Variants in INPP5A observed in about 807,000 individuals in gnomAD.
INPP5A encodes inositol polyphosphate-5-phosphatase A.
A neutral mutation model predicts 65.2 loss-of-function variants in INPP5A; 14 were observed. The observed-to-expected ratio is 0.21, with a 90% confidence interval of 0.14 to 0.34. The LOEUF (loss-of-function observed/expected upper bound fraction) is 0.34. INPP5A is among the 10% of genes least tolerant of loss of function. The pLI, the probability that INPP5A is intolerant of heterozygous loss-of-function variation, is 1.00. For missense variants in INPP5A, 431 were observed against 545.6 expected, an observed-to-expected ratio of 0.79 and a Z score of 2.09; for synonymous variants, 207 against 208.3, an observed-to-expected ratio of 0.99 and a Z score of 0.05.
chr10:132,537,927 C>CT lies in INPP5A; in HGVS notation c.-170_-169insT. On this transcript the variant is annotated 5_prime_UTR_variant, in exon 1 of 16. Coordinates refer to ENST00000368594, the MANE Select transcript of INPP5A (RefSeq NM_005539.5). ...AGCGAGCGAGCGAGCGAGCGCGAGG[C>CT]CGGAGCCCCGGCCAGGCCCGGCCGA... 1 of 181,740 alleles carries CT rather than the reference C, an allele frequency of 5.5e-6. No individual in the cohort carries two copies. The highest frequency in any genetic ancestry group is 1.3e-4 in the East Asian group (1 of 7,552). 11.3% of individuals were successfully genotyped at this position (181,740 alleles called of 1,614,324 possible).
In INPP5A at chr10:132,781,923, G is replaced by A. The variant is rs775416029; in HGVS notation, c.1221G>A (p.Lys407=). 3 of 1,613,860 alleles carry A rather than the reference G, an allele frequency of 1.9e-6. No homozygotes were observed. The highest frequency in any genetic ancestry group is 1.7e-5 in the Admixed American group (1 of 60,028). ...GTAAACCTCATGCCCATGTGCACAA[G>A]TGTTGTGTCGTGCAGTGACGTGGTG... ...GAGKPHAHVH[K]CCVVQ The change falls in exon 15 of 16, where the codon AAG becomes AAA. Residue 407 remains lysine (K), a synonymous_variant. Coordinates refer to ENST00000368594, the MANE Select transcript of INPP5A (RefSeq NM_005539.5).
intron 2 of INPP5A, among the ~76,000 whole-genome samples, chr10:132,614,763 G>C (rs189505028): frequency 6.6e-6 from 1 of 152,242 alleles, no homozygotes; most frequent in African/African-American, 2.4e-5. Context: ...CGATGAGATC[G>C]CAAGGAGAGG....
intron 7 of INPP5A, among the ~76,000 whole-genome samples, chr10:132,709,055 C>T (rs932267735): frequency 6.6e-6 from 1 of 151,698 alleles, no homozygotes; most frequent in East Asian, 1.9e-4. Flanking sequence ...AAAACACATA[C>T]GAGGTCATAG....
intron 4 of INPP5A, among the ~76,000 whole-genome samples, chr10:132,688,968 CAT>C (rs1845205081): frequency 6.6e-6 from 1 of 151,630 alleles, no homozygotes; most frequent in African/African-American, 2.4e-5. Context: ...GTTGTGTGTG[CAT>C]GAGTGTATGT....
intron 7 of INPP5A, 112 bp downstream of exon 7, chr10:132,708,477 GGACCCCCAGCTGCCT>G (rs749726586): frequency 1.0e-5 from 11 of 1,093,152 alleles, no homozygotes; most frequent in South Asian, 1.0e-4. Context: ...TTTTGCATGA[GGACCCCCAGCTGCCT>G]GACCCCCACC....
At chr10:132,614,782 C>T (rs1438398631) in intron 2 of INPP5A, among the ~76,000 whole-genome samples, 1 of 152,264 alleles carries the variant, frequency 6.6e-6, no homozygotes, top group Non-Finnish European at 1.5e-5. Context: ...GGACTCCATC[C>T]CCATGAATGC....
chr10:132,738,208 C>G (rs1222111685), intron 9 of INPP5A, among the ~76,000 whole-genome samples: 4 of 152,132 alleles, frequency 2.6e-5, no homozygotes, highest in Non-Finnish European at 5.9e-5. Flanking sequence ...TAAAAGAAAC[C>G]CATGGGAAAG....
rs2133457076 is a variant in INPP5A at position 132,681,763 on chromosome 10, C to T, written c.307-8629C>T. 2.0e-5 allele frequency among the ~76,000 whole-genome samples: 3 copies of T among 152,360 alleles called. No individual in the cohort carries two copies. The East Asian group carries it at 5.8e-4, about 29-fold the overall frequency. On this transcript the variant is annotated intron_variant, in intron 4 of 15. Transcript: ENST00000368594. ...GGTACAGACCCCAAAGAATTGAGAG[C>T]AGTCTCCAGCAGATATTTGCACACC... is the stretch of plus-strand genomic sequence containing the variant.
chr10:132,639,657 C>A (rs547246553), intron 2 of INPP5A, among the ~76,000 whole-genome samples: 7 of 152,202 alleles, frequency 4.6e-5, no homozygotes, highest in African/African-American at 1.4e-4. Flanking sequence ...TTGTTTTTTC[C>A]AAGTGTTTTT....
intron 2 of INPP5A, among the ~76,000 whole-genome samples, chr10:132,628,146 G>C (rs1039015254): frequency 6.6e-6 from 1 of 152,344 alleles, no homozygotes; most frequent in Admixed American, 6.5e-5. Flanking sequence ...GGTCTCCTTT[G>C]GAAGACAGTG....
chr10:132,748,489 G>T (rs368384022), intron 9 of INPP5A, among the ~76,000 whole-genome samples: 4 of 152,188 alleles, frequency 2.6e-5, no homozygotes, highest in African/African-American at 9.7e-5. Flanking sequence ...TGCCCACAAG[G>T]CCCCTGTGTC....
intron 1 of INPP5A, among the ~76,000 whole-genome samples, chr10:132,588,617 C>T (rs2071576899): frequency 6.6e-6 from 1 of 152,250 alleles, no homozygotes; most frequent in African/African-American, 2.4e-5. Flanking sequence ...ACAGCGCCCA[C>T]CCTGTGTCCC....
intron 4 of INPP5A, among the ~76,000 whole-genome samples, chr10:132,671,697 A>G (rs1038648959): frequency 1.1e-4 from 16 of 152,184 alleles, no homozygotes; most frequent in African/African-American, 3.9e-4. Flanking sequence ...GCTTCCTGAT[A>G]CTGTTTCATG....
At position 132,555,681 on chromosome 10, in the gene INPP5A, A is replaced by G. The variant is rs1207803034; in HGVS notation, c.75+17510A>G. ...CTAGCGTCTTGGAGAAAAATGGTCT[A>G]TGAACTTTGATAACCTTGACAATTT... On this transcript the variant is annotated intron_variant, in intron 1 of 15. Coordinates refer to ENST00000368594, the MANE Select transcript of INPP5A (RefSeq NM_005539.5). This position sits in a 1 kb window ranked among gnomAD's most constrained non-coding sequence, Gnocchi z 4.4. 6.6e-6 allele frequency among the ~76,000 whole-genome samples: 1 copy of G among 152,144 alleles called. No individual in the cohort carries two copies. The highest frequency in any genetic ancestry group is 1.5e-5 in the Non-Finnish European group (1 of 68,024).
rs577826454 is a variant in INPP5A, at chr10:132,627,091, G to T, written c.118-18777G>T. 6.6e-6 allele frequency among the ~76,000 whole-genome samples: 1 copy of T among 152,264 alleles called. No homozygotes were observed. The highest frequency in any genetic ancestry group is 2.1e-4 in the South Asian group (1 of 4,828). Reference sequence around the variant, plus strand: ...TGGGTGCCCTTACAAGAAGGGACACGGGATCAGGCTCTCTCCACAGGGCGC... The same window carrying T: ...TGGGTGCCCTTACAAGAAGGGACACTGGATCAGGCTCTCTCCACAGGGCGC... On this transcript the variant is annotated intron_variant, in intron 2 of 15. Transcript: ENST00000368594. The surrounding 1 kb of genome is among the most constrained non-coding windows in gnomAD (Gnocchi z 6.6).
chr10:132,749,479 C>T (rs767177609), intron 9 of INPP5A, 38 bp from the exon 10 acceptor site: 1 of 1,581,054 alleles, frequency 6.3e-7, no homozygotes. Flanking sequence ...GGCAGGTGGG[C>T]CCCCCTGGGA....
chr10:132,684,003 C>G (rs763546039), intron 4 of INPP5A, among the ~76,000 whole-genome samples: 3 of 152,248 alleles, frequency 2.0e-5, no homozygotes, highest in Non-Finnish European at 4.4e-5. Context: ...GTGTGAGCCA[C>G]TGTGCCTGGC....
chr10:132,773,094 G>A (rs1846985809), intron 12 of INPP5A, among the ~76,000 whole-genome samples: 2 of 152,384 alleles, frequency 1.3e-5, no homozygotes, highest in South Asian at 4.1e-4. Context: ...AGGCCTCTGG[G>A]CTGTGGGCCG....
Position 132,782,253 on chromosome 10 carries a change from T to G in INPP5A, c.*224T>G, listed in dbSNP as rs1484834558. The G allele has an allele frequency of 7.2e-5, 25 of 348,326 alleles. No homozygotes were observed. The highest frequency in any genetic ancestry group is 1.5e-4 in the South Asian group (5 of 33,614). The allele number at this position is 348,326 out of a possible 1,614,324, so 21.6% of individuals were successfully genotyped here. Reference sequence around the variant, plus strand: ...GTGACATTAAGTAGAAATATTGGTTTTTTTTTTTTTTTTTTAAATAAGTCA... The same window carrying G: ...GTGACATTAAGTAGAAATATTGGTTGTTTTTTTTTTTTTTTAAATAAGTCA... On this transcript the variant is annotated 3_prime_UTR_variant, in exon 16 of 16. Transcript: ENST00000368594. This position sits in a 1 kb window ranked among gnomAD's most constrained non-coding sequence, Gnocchi z 4.4.
Sources: allele counts gnomAD v4.1 joint callset (sites outside exome capture counted in the v4.1 genomes callset), GRCh38; gene constraint gnomAD v4.1.1; non-coding constraint Gnocchi (gnomAD v3.1); transcripts MANE v1.5; gene names NCBI Gene and HGNC (gene_info 2026-07-23, HGNC 2026-07-21).